KHDRBS2: variants seen among roughly 807,000 people sequenced by gnomAD.
The protein encoded by KHDRBS2 is KH domain-containing, RNA-binding, signal transduction-associated protein 2.
KHDRBS2 carries 26 observed loss-of-function variants against 44.3 expected under a neutral mutation model. That is an observed-to-expected ratio of 0.59 (90% confidence interval 0.43 to 0.81). The LOEUF (loss-of-function observed/expected upper bound fraction) is 0.81. KHDRBS2 is among the 40% of genes least tolerant of loss of function. The probability of loss-of-function intolerance (pLI) is 0.00; values close to 1 mark genes in which losing one functional copy is unlikely to be tolerated. For missense variants in KHDRBS2, 476 were observed against 433.1 expected, an observed-to-expected ratio of 1.10 and a Z score of -0.88; for synonymous variants, 194 against 151.1, an observed-to-expected ratio of 1.28 and a Z score of -2.08.
intron 2 of KHDRBS2, among the ~76,000 whole-genome samples, chr6:62,082,559 C>T (rs1408214178): frequency 2.0e-5 from 3 of 152,054 alleles, no homozygotes; most frequent in Admixed American, 6.6e-5. Flanking sequence ...CATCTGTCTT[C>T]TAACATTTGA....
chr6:61,843,290 T>G (rs1432758773), intron 6 of KHDRBS2, among the ~76,000 whole-genome samples: 1 of 151,232 alleles, frequency 6.6e-6, no homozygotes, highest in Admixed American at 6.6e-5. Context: ...ATATTAAAAT[T>G]TACCAAATTT....
At chr6:61,766,049 T>C (rs895690101) in intron 6 of KHDRBS2, among the ~76,000 whole-genome samples, 25 of 152,102 alleles carry the variant, frequency 1.6e-4, no homozygotes, top group Admixed American at 3.9e-4. Context: ...TTTGAGAGGA[T>C]TGGTGTTAGT....
intron 2 of KHDRBS2, among the ~76,000 whole-genome samples, chr6:62,103,659 G>T (rs1802442207): frequency 1.3e-5 from 2 of 151,428 alleles, no homozygotes; most frequent in Non-Finnish European, 2.9e-5. Flanking sequence ...GCTCCCTCTG[G>T]AATCACCTGT....
At chr6:62,128,282 T>G (rs1320991342) in intron 2 of KHDRBS2, among the ~76,000 whole-genome samples, 1 of 152,108 alleles carries the variant, frequency 6.6e-6, no homozygotes, top group African/African-American at 2.4e-5. Flanking sequence ...GGGGATATAA[T>G]CAGTGGCTAC....
At chr6:62,222,980 T>C (rs1831148256) in intron 1 of KHDRBS2, among the ~76,000 whole-genome samples, 1 of 152,124 alleles carries the variant, frequency 6.6e-6, no homozygotes, top group Admixed American at 6.5e-5. Context: ...TCAGTGGATC[T>C]ACCATTCTGG....
the KHDRBS2 span, among the ~76,000 whole-genome samples, chr6:61,648,560 A>G: frequency 0.012 from 1,788 of 152,250 alleles, 36 homozygotes; most frequent in African/African-American, 0.042. Context: ...TTTAGAGATG[A>G]ACACACGTTC....
intron 2 of KHDRBS2, among the ~76,000 whole-genome samples, chr6:62,159,681 A>G (rs1207984648): frequency 1.3e-5 from 2 of 152,156 alleles, no homozygotes; most frequent in South Asian, 4.1e-4. Context: ...TGACCGCAAG[A>G]CTTACTGATA....
At chr6:62,136,979 GCTTT>G (rs1314086986) in intron 2 of KHDRBS2, among the ~76,000 whole-genome samples, 3 of 145,522 alleles carry the variant, frequency 2.1e-5, no homozygotes, top group Middle Eastern at 3.6e-3. Context: ...CTGACTTTCA[GCTTT>G]CTTTCTTTTC....
chr6:62,067,870 G>C (rs1406326288), intron 2 of KHDRBS2, among the ~76,000 whole-genome samples: 2 of 151,434 alleles, frequency 1.3e-5, no homozygotes, highest in Non-Finnish European at 3.0e-5. Flanking sequence ...CTGTCTTTTA[G>C]GTTCATACAT....
intron 2 of KHDRBS2, among the ~76,000 whole-genome samples, chr6:62,077,818 G>C (rs1389888499): frequency 1.3e-5 from 2 of 151,972 alleles, no homozygotes; most frequent in Non-Finnish European, 2.9e-5. Flanking sequence ...AGAATTAATT[G>C]ATAAATGAAT....
At chr6:62,206,233 T>C (rs1319880707) in intron 1 of KHDRBS2, among the ~76,000 whole-genome samples, 1 of 152,244 alleles carries the variant, frequency 6.6e-6, no homozygotes, top group African/African-American at 2.4e-5. Flanking sequence ...GTAGAGTTCA[T>C]TGAGCAAGTC....
the KHDRBS2 span, among the ~76,000 whole-genome samples, chr6:61,565,487 A>AT: frequency 6.6e-6 from 1 of 152,168 alleles, no homozygotes; most frequent in East Asian, 1.9e-4. Context: ...AAATAATTTA[A>AT]TTTGTAAATG....
intron 1 of KHDRBS2, among the ~76,000 whole-genome samples, chr6:62,281,374 C>T (rs1281033567): frequency 1.3e-5 from 2 of 152,034 alleles, no homozygotes; most frequent in African/African-American, 2.4e-5. Context: ...GTAATCCTAG[C>T]ACTTTGGGAG....
chr6:61,557,517 G>A, the KHDRBS2 span, among the ~76,000 whole-genome samples: 32,192 of 151,968 alleles, frequency 0.21, 3,677 homozygotes, highest in East Asian at 0.29. Flanking sequence ...CTGTTATTTA[G>A]TAAAACACTC....
chr6:61,914,374 G>C (rs1418032415), intron 4 of KHDRBS2, among the ~76,000 whole-genome samples: 1 of 151,998 alleles, frequency 6.6e-6, no homozygotes, highest in Non-Finnish European at 1.5e-5. Flanking sequence ...ATTTTAGATA[G>C]GGAAGCAAAT....
At chr6:62,111,194 T>C (rs1402671468) in intron 2 of KHDRBS2, among the ~76,000 whole-genome samples, 1 of 152,108 alleles carries the variant, frequency 6.6e-6, no homozygotes, top group Non-Finnish European at 1.5e-5. Context: ...AATTCACAGA[T>C]AGATTTAAAT....
chr6:61,878,997 A>G (rs1438932849), intron 6 of KHDRBS2, among the ~76,000 whole-genome samples: 2 of 151,920 alleles, frequency 1.3e-5, no homozygotes, highest in African/African-American at 4.8e-5. Context: ...TTGTGTTGCT[A>G]CTATTAATAT....
chr6:61,765,292 A>T, intron 6 of KHDRBS2, among the ~76,000 whole-genome samples: 1 of 152,036 alleles, frequency 6.6e-6, no homozygotes, highest in Admixed American at 6.6e-5. Context: ...CTCAACACAA[A>T]AAAAGTTAAA....
At chr6:62,030,313 C>T (rs1784117503) in intron 3 of KHDRBS2, among the ~76,000 whole-genome samples, 1 of 151,974 alleles carries the variant, frequency 6.6e-6, no homozygotes, top group Admixed American at 6.6e-5. Context: ...CTAGAGGGTG[C>T]AATTCTTCAG....
Sources: gnomAD v4.1 joint callset for allele counts (sites outside exome capture counted in the v4.1 genomes callset) on GRCh38, gnomAD v4.1.1 for gene constraint, MANE v1.5 for transcripts, NCBI Gene and HGNC (gene_info 2026-07-23, HGNC 2026-07-21) for gene names.